Variants in PTPRF observed in about 807,000 individuals in gnomAD.
PTPRF encodes protein tyrosine phosphatase receptor type F, also known as receptor-type tyrosine-protein phosphatase F.
A neutral mutation model predicts 201.8 loss-of-function variants in PTPRF; 59 were observed. That is an observed-to-expected ratio of 0.29 (90% CI 0.24 to 0.36). PTPRF has a LOEUF of 0.36. Among genes scored for constraint, PTPRF ranks in the 10% least tolerant of loss-of-function variants. The pLI is 1.00. For missense variants in PTPRF, 2,132 were observed against 2,690.5 expected (o/e 0.79, Z 4.59); for synonymous variants, 1,088 against 1,089.7 (o/e 1.00, Z 0.03).
At chr1:43,600,174 G>A (rs1653398814) in intron 13 of PTPRF, among the ~76,000 whole-genome samples, 1 of 152,202 alleles carries the variant, frequency 6.6e-6, no homozygotes, top group South Asian at 2.1e-4. Context: ...CATTCCTGGG[G>A]CAGGTTGAGG....
rs746393821 is a variant in PTPRF at position 43,603,445 on chromosome 1, G to C, written c.2370G>C (p.Glu790Asp). Residue 790 changes from glutamate to aspartate, a missense_variant, in exon 15 of 34, where the codon GAG (glutamate) becomes GAC (aspartate). Physicochemically the swap from Glu to Asp is conservative, Grantham distance 45 (BLOSUM62 2). This residue lies in a region of PTPRF where 818 missense variants were observed against 915.3 expected (regional missense o/e 0.89). Transcript: ENST00000359947. This position sits in a 1 kb window ranked among gnomAD's most constrained non-coding sequence, Gnocchi z 5.8. ...CCACTATCAGCGGCCTGACCCCGGA[G>C]ACCACCTACTCCGTTACTGTTGCTG... Reference protein sequence around the residue: ...YETTISGLTPETTYSVTVAAY... With the variant: ...YETTISGLTPDTTYSVTVAAY... 16 of 1,614,014 alleles carry C rather than the reference G, an allele frequency of 9.9e-6. No individual in the cohort carries two copies. Among genetic ancestry groups the C allele is most frequent in the Non-Finnish European group, 1.3e-5 (15 of 1,180,022 alleles).
rs746163923 is a variant in PTPRF, at chr1:43,537,300, G to A, written c.-125-898G>A. ...TGTGTGCCAGCGGAGGAGGCATCCA[G>A]GGGCACGCCTTCATTTTAAAAATTA... is the stretch of plus-strand genomic sequence containing the variant. On this transcript the variant is annotated intron_variant, in intron 1 of 33. Transcript: ENST00000359947. This position sits in a 1 kb window ranked among gnomAD's most constrained non-coding sequence, Gnocchi z 4.8. Among the ~76,000 whole-genome samples the A allele has an allele frequency of 4.1e-4, 63 of 152,234 alleles. No homozygotes were observed. The highest frequency in any genetic ancestry group is 7.8e-4 in the Non-Finnish European group (53 of 68,038).
chr1:43,618,685 A>G lies in PTPRF; in HGVS notation c.4427A>G (p.Gln1476Arg). 1 of 1,612,846 alleles carries G rather than the reference A, an allele frequency of 6.2e-7. No individual in the cohort carries two copies. Among genetic ancestry groups the G allele is most frequent in the Non-Finnish European group, 8.5e-7 (1 of 1,178,966 alleles). The part of the protein sequence containing the change: ...ARGTETCGLI[Q>R]VTLLDTVELA... Reference sequence around the variant, plus strand: ...GGCACCGAGACCTGTGGCCTTATTCAGGTGACCCTGTTGGACACAGTGGAG... The same window carrying G: ...GGCACCGAGACCTGTGGCCTTATTCGGGTGACCCTGTTGGACACAGTGGAG... Residue 1476 changes from glutamine (Q) to arginine (R), a missense_variant, in exon 26 of 34, where the codon CAG becomes CGG. Physicochemically the swap from Gln to Arg is conservative, Grantham distance 43. This residue lies in a region of PTPRF where 519 missense variants were observed against 659.5 expected (regional missense o/e 0.79). Coordinates refer to ENST00000359947, the MANE Select transcript of PTPRF (RefSeq NM_002840.5).
At chr1:43,569,467 C>A in intron 5 of PTPRF, 123 bp from the exon 6 acceptor site, 2 of 972,458 alleles carry the variant, frequency 2.1e-6, no homozygotes, top group Non-Finnish European at 3.0e-6. Flanking sequence ...GCTTAGAAGT[C>A]AAGGAAAGGG....
At chr1:43,529,258 T>C (rs1165268313), upstream of PTPRF, among the ~76,000 whole-genome samples, 1 of 152,148 alleles carries the variant, frequency 6.6e-6, no homozygotes, top group South Asian at 2.1e-4. Context: ...AACCAAATTG[T>C]CCAGAATCAC....
chr1:43,550,423 C>A (rs894625719), intron 3 of PTPRF, among the ~76,000 whole-genome samples: 14 of 152,224 alleles, frequency 9.2e-5, no homozygotes, highest in Non-Finnish European at 1.9e-4. Flanking sequence ...CAGTTTCTGC[C>A]GCTGCAGGTC....
chr1:43,615,863 C>T (rs1657733307), intron 23 of PTPRF, among the ~76,000 whole-genome samples: 1 of 152,144 alleles, frequency 6.6e-6, no homozygotes. Context: ...CTGCACCAGG[C>T]CTGCTCTGTT....
intron 6 of PTPRF, among the ~76,000 whole-genome samples, chr1:43,576,849 G>C (rs1646962313): frequency 6.6e-6 from 1 of 152,158 alleles, no homozygotes; most frequent in South Asian, 2.1e-4. Context: ...TCAGAGCTCA[G>C]GACCAGGATG....
intron 12 of PTPRF, 70 bp from the exon 13 acceptor site, chr1:43,598,650 G>C: frequency 6.9e-7 from 1 of 1,455,766 alleles, no homozygotes; most frequent in South Asian, 1.3e-5. Context: ...GGACCCTCAA[G>C]TTTGCTGTGC....
rs150026558 is a variant in PTPRF, at chr1:43,604,105, G to A, written c.2953G>A (p.Asp985Asn). Residue 985 changes from aspartate to asparagine, a missense_variant, in exon 16 of 34, where the codon GAC becomes AAC. Asp to Asn is a conservative substitution (Grantham distance 23, BLOSUM62 1). Around this residue, in one of 6 missense-constraint regions of PTPRF, gnomAD observed 818 missense variants for 915.3 expected, o/e 0.89. Coordinates refer to ENST00000359947, the MANE Select transcript of PTPRF (RefSeq NM_002840.5). The stretch of plus-strand genomic sequence containing the variant: ...TGGCCTCAAGCCAGACACCACTTAC[G>A]ACATCAAGGTCCGCGCATGGACCAG... ...LTGLKPDTTY[D>N]IKVRAWTSKG... The A allele has an allele frequency of 3.7e-6, 6 of 1,614,068 alleles. No homozygotes were observed. Among genetic ancestry groups the A allele is most frequent in the African/African-American group, 2.7e-5 (2 of 74,938 alleles).
intron 5 of PTPRF, among the ~76,000 whole-genome samples, chr1:43,559,924 AGGT>A (rs1245426304): frequency 2.1e-5 from 3 of 144,482 alleles, no homozygotes; most frequent in Admixed American, 1.4e-4. Context: ...TGTGTACAGC[AGGT>A]GGTGTGTAGC....
chr1:43,614,917 C>G (rs1425848644), intron 23 of PTPRF, among the ~76,000 whole-genome samples: 3 of 151,984 alleles, frequency 2.0e-5, no homozygotes, highest in East Asian at 1.9e-4. Flanking sequence ...GAGAGAGAGA[C>G]CTCCTCCTCT....
chr1:43,622,268 G>C lies in PTPRF; in HGVS notation c.*265G>C. The C allele has an allele frequency of 6.0e-6, 3 of 500,292 alleles. No individual in the cohort carries two copies. The highest frequency in any genetic ancestry group is 7.2e-6 in the Non-Finnish European group (2 of 278,964). The allele number at this position is 500,292 out of a possible 1,614,324, so 31.0% of individuals were successfully genotyped here. Reference sequence around the variant, plus strand: ...ACCTGGAGCCCGCTTCAAGCTCTCTGTTGCGCTCCCGCATTTCTCATGCTT... The same window carrying C: ...ACCTGGAGCCCGCTTCAAGCTCTCTCTTGCGCTCCCGCATTTCTCATGCTT... On this transcript the variant is annotated 3_prime_UTR_variant, in exon 34 of 34. Coordinates refer to ENST00000359947, the MANE Select transcript of PTPRF (RefSeq NM_002840.5).
chr1:43,588,035 C>T lies in PTPRF; in HGVS notation c.680-696C>T, dbSNP rs1570357675. Among the ~76,000 whole-genome samples, 1 of 152,164 alleles carries T rather than the reference C, an allele frequency of 6.6e-6. No homozygotes were observed. The highest frequency in any genetic ancestry group is 6.5e-5 in the Admixed American group (1 of 15,280). ...GGCGCCCTCATCATGTTACTGCCAT[C>T]GTCATGCCCATCCTGCCCGCAGACC... On this transcript the variant is annotated intron_variant, in intron 7 of 33. Transcript: ENST00000359947. This position sits in a 1 kb window ranked among gnomAD's most constrained non-coding sequence, Gnocchi z 5.3.
chr1:43,559,345 T>C (rs772816209), intron 5 of PTPRF, among the ~76,000 whole-genome samples: 1 of 152,152 alleles, frequency 6.6e-6, no homozygotes, highest in Non-Finnish European at 1.5e-5. Context: ...TGTGCACGTG[T>C]GTGCGTCAGG....
chr1:43,569,316 A>AT (rs1457190109), intron 5 of PTPRF, among the ~76,000 whole-genome samples: 1 of 149,254 alleles, frequency 6.7e-6, no homozygotes, highest in Non-Finnish European at 1.5e-5. Flanking sequence ...GCCTGGAGAG[A>AT]TAAGTGCTGA....
chr1:43,525,804 CAAAAAAA>C (rs1179056466), upstream of PTPRF, among the ~76,000 whole-genome samples: 7 of 35,568 alleles, frequency 2.0e-4, no homozygotes, highest in Middle Eastern at 0.02. Context: ...GACTCAGTCT[CAAAAAAA>C]AAAAAAAAAA....
chr1:43,613,609 C>T lies in PTPRF; in HGVS notation c.3974-9C>T, dbSNP rs72877532. On this transcript the variant is annotated splice_polypyrimidine_tract_variant and intron_variant, in intron 22 of 33. Coordinates refer to ENST00000359947, the MANE Select transcript of PTPRF (RefSeq NM_002840.5). ...CTAATGCTGCCTGTGTATGCCCTAC[C>T]TCCCCTAGGTATGCGAGACCACCCA... 6,388 of 1,611,718 alleles carry T rather than the reference C, an allele frequency of 4.0e-3. 232 individuals are homozygous for T. In the African/African-American group the frequency reaches 0.077, roughly 19 times the overall value.
rs1207837583 is a variant in PTPRF at position 43,542,599 on chromosome 1, A to G, written c.-45-2432A>G. 6.6e-6 allele frequency among the ~76,000 whole-genome samples: 1 copy of G among 152,100 alleles called. No individual in the cohort carries two copies. The highest frequency in any genetic ancestry group is 2.4e-5 in the African/African-American group (1 of 41,388). ...CTATTCTGGGAGTTTTACCCCCATG[A>G]TGGCTCTCCTGGGAGCTCTGCCCCC... On this transcript the variant is annotated intron_variant, in intron 2 of 33. Transcript: ENST00000359947. This position sits in a 1 kb window ranked among gnomAD's most constrained non-coding sequence, Gnocchi z 5.2.
Sources: gnomAD v4.1 joint callset for allele counts (sites outside exome capture counted in the v4.1 genomes callset) on GRCh38, gnomAD v4.1.1 for gene constraint, gnomAD v4.1.1 regional missense constraint, Gnocchi (gnomAD v3.1) non-coding constraint, MANE v1.5 for transcripts, NCBI Gene and HGNC (gene_info 2026-07-23, HGNC 2026-07-21) for gene names.